The following OSBP2 variants were observed in gnomAD, a reference collection of about 807,000 sequenced individuals.
The protein encoded by OSBP2 is oxysterol-binding protein 2.
A neutral mutation model predicts 96.0 loss-of-function variants in OSBP2; 66 were observed. The observed-to-expected ratio is 0.69, with a 90% CI of 0.56 to 0.84. OSBP2 has a LOEUF of 0.84. Ranked by LOEUF, OSBP2 falls within the 40% of genes least tolerant of loss-of-function variation. OSBP2 has a pLI of 0.00. For synonymous variants in OSBP2, 525 were observed against 520.9 expected, an observed-to-expected ratio of 1.01 and a Z score of -0.11; for missense variants, 1,038 against 1,222.7, an observed-to-expected ratio of 0.85 and a Z score of 2.25.
intron 2 of OSBP2, among the ~76,000 whole-genome samples, chr22:30,799,891 A>G (rs2090825468): frequency 6.6e-6 from 1 of 152,184 alleles, no homozygotes; most frequent in Non-Finnish European, 1.5e-5. Context: ...ATAACCTACT[A>G]CAGAATGCCT....
At chr22:30,747,791 C>T (rs574065478) in intron 2 of OSBP2, among the ~76,000 whole-genome samples, 12 of 152,324 alleles carry the variant, frequency 7.9e-5, no homozygotes, top group Admixed American at 3.3e-4. Flanking sequence ...AATGTCACCT[C>T]GAAGTACTTT....
chr22:30,730,793 TATATATATATATATAA>T (rs1569100561), intron 1 of OSBP2, among the ~76,000 whole-genome samples: 6 of 54,362 alleles, frequency 1.1e-4, no homozygotes, highest in African/African-American at 2.8e-4. Flanking sequence ...TATATATATA[TATATATATATATATAA>T]TTTTTTTTTT....
In OSBP2 at chr22:30,890,094, C is replaced by T. The variant is rs537001914; in HGVS notation, c.1623+458C>T. ...ACAGTGGCATCTCCACTAGGCCAGA[C>T]GGTTCTGCTGTGTGACCCAGAACAA... On this transcript the variant is annotated intron_variant, in intron 7 of 13. Transcript: ENST00000332585. This position sits in a 1 kb window ranked among gnomAD's most constrained non-coding sequence, Gnocchi z 4.4. Among the ~76,000 whole-genome samples, 128 of 152,342 alleles carry T rather than the reference C, an allele frequency of 8.4e-4. No homozygotes were observed. The highest frequency in any genetic ancestry group is 1.0e-3 in the Non-Finnish European group (69 of 68,028).
rs974217462 is a variant in OSBP2, at chr22:30,865,773, C to T, written c.854-4656C>T. On this transcript the variant is annotated intron_variant, in intron 2 of 13. Transcript: ENST00000332585. ...TGGCCACACACCGGGTGGTTACCATCCTTCCCAGAGCAGCCACTAATATCC... is the reference window on the plus strand; with the variant it reads ...TGGCCACACACCGGGTGGTTACCATTCTTCCCAGAGCAGCCACTAATATCC... Among the ~76,000 whole-genome samples, 15 of 152,168 alleles carry T rather than the reference C, an allele frequency of 9.9e-5. 1 individual carries two copies.
chr22:30,697,697 T>C (rs1227906926), intron 1 of OSBP2, among the ~76,000 whole-genome samples: 3 of 152,166 alleles, frequency 2.0e-5, no homozygotes, highest in Non-Finnish European at 2.9e-5. Flanking sequence ...GAGAACAAGT[T>C]TCTGGTGTGT....
intron 2 of OSBP2, among the ~76,000 whole-genome samples, chr22:30,865,631 CAAAAAAAAAAA>C (rs398040482): frequency 3.8e-4 from 23 of 59,892 alleles, no homozygotes; most frequent in African/African-American, 1.8e-3. Flanking sequence ...GACTCCATCT[CAAAAAAAAAAA>C]AAAAAAAAAA....
chr22:30,860,056 C>G (rs541536189), intron 2 of OSBP2, among the ~76,000 whole-genome samples: 68 of 152,354 alleles, frequency 4.5e-4, no homozygotes, highest in Non-Finnish European at 8.4e-4. Context: ...GAGGTAGCAT[C>G]TAACCCAGTG....
chr22:30,710,862 C>T (rs187744966), intron 1 of OSBP2, among the ~76,000 whole-genome samples: 250 of 152,068 alleles, frequency 1.6e-3, no homozygotes, highest in Non-Finnish European at 2.5e-3. Flanking sequence ...GTGCCTGCCT[C>T]GGCCTCCCAA....
intron 6 of OSBP2, 58 bp downstream of exon 6, chr22:30,889,292 AG>A (rs2039890162): frequency 6.5e-7 from 1 of 1,536,970 alleles, no homozygotes; most frequent in African/African-American, 1.4e-5. Flanking sequence ...AGGGGGTGGG[AG>A]GGACAGGCCA....
chr22:30,746,752 A>G (rs1356702721), intron 2 of OSBP2, among the ~76,000 whole-genome samples: 1 of 152,122 alleles, frequency 6.6e-6, no homozygotes, highest in Non-Finnish European at 1.5e-5. Flanking sequence ...TTGGCCTCCC[A>G]AAGTGCTGGG....
At chr22:30,698,131 AG>A (rs2089084604) in intron 1 of OSBP2, among the ~76,000 whole-genome samples, 1 of 152,186 alleles carries the variant, frequency 6.6e-6, no homozygotes, top group African/African-American at 2.4e-5. Flanking sequence ...TGACAGCAGC[AG>A]GGTGGGTTTT....
chr22:30,884,648 T>A (rs1182869273), intron 3 of OSBP2, among the ~76,000 whole-genome samples: 2 of 152,148 alleles, frequency 1.3e-5, no homozygotes, highest in Admixed American at 6.5e-5. Flanking sequence ...GGGGCCCCTT[T>A]CCACCGAGCC....
At chr22:30,778,398 C>T (rs754149228) in intron 2 of OSBP2, among the ~76,000 whole-genome samples, 1 of 151,992 alleles carries the variant, frequency 6.6e-6, no homozygotes, top group Non-Finnish European at 1.5e-5. Flanking sequence ...CATCAGCATG[C>T]TGGCTGCTCT....
At chr22:30,734,668 A>G (rs2089824818) in intron 1 of OSBP2, among the ~76,000 whole-genome samples, 1 of 152,224 alleles carries the variant, frequency 6.6e-6, no homozygotes, top group Admixed American at 6.5e-5. Context: ...GTTTGAAGCC[A>G]TTGAAAAATT....
chr22:30,749,445 A>G (rs987981829), intron 2 of OSBP2, among the ~76,000 whole-genome samples: 6 of 152,094 alleles, frequency 3.9e-5, no homozygotes, highest in African/African-American at 1.4e-4. Context: ...GGCTTTATTC[A>G]AGATGGAGTC....
intron 12 of OSBP2, chr22:30,902,143 AAAAAAAAAAC>A: frequency 7.2e-5 from 27 of 377,210 alleles, no homozygotes; most frequent in South Asian, 2.8e-4. Flanking sequence ...AAAAAACCAA[AAAAAAAAAAC>A]AGAGGGTCCC....
rs1168690535 is a variant in OSBP2 at position 30,695,385 on chromosome 22, A to G, written c.476A>G (p.Lys159Arg). The change falls in exon 1 of 14, where the codon AAG (lysine) becomes AGG (arginine). Residue 159 changes from lysine (K) to arginine (R), a missense_variant. Physicochemically the swap from Lys to Arg is conservative, Grantham distance 26. Transcript: ENST00000332585. ...PLPLLRPGQA[K>R]TPLGVPMSGT... ...CCTCTTCTGCGACCAGGACAGGCGAAGACTCCTCTTGGGGTTCCAATGTCG... is the reference window on the plus strand; with the variant it reads ...CCTCTTCTGCGACCAGGACAGGCGAGGACTCCTCTTGGGGTTCCAATGTCG... The G allele has an allele frequency of 6.2e-7, 1 of 1,613,914 alleles. No homozygotes were observed. Among genetic ancestry groups the G allele is most frequent in the South Asian group, 1.1e-5 (1 of 91,080 alleles).
At chr22:30,799,919 C>T (rs1391542087) in intron 2 of OSBP2, among the ~76,000 whole-genome samples, 3 of 152,204 alleles carry the variant, frequency 2.0e-5, no homozygotes, top group Admixed American at 6.5e-5. Context: ...GCACATTTGT[C>T]TTTATTGCCT....
chr22:30,764,347 G>GGACAGCCTGCCACCCTA, intron 2 of OSBP2: 4 of 985,368 alleles, frequency 4.1e-6, no homozygotes, highest in Non-Finnish European at 4.8e-6. Flanking sequence ...AAGAATACCT[G>GGACAGCCTGCCACCCTA]GACAGCCTGC....
Sources: gnomAD v4.1 joint callset for allele counts (sites outside exome capture counted in the v4.1 genomes callset) on GRCh38, gnomAD v4.1.1 for gene constraint, Gnocchi (gnomAD v3.1) non-coding constraint, MANE v1.5 for transcripts, NCBI Gene and HGNC (gene_info 2026-07-23, HGNC 2026-07-21) for gene names.